The following ANO10 variants were observed in gnomAD, a reference collection of about 807,000 sequenced individuals.
ANO10 encodes the protein anoctamin 10.
A neutral mutation model predicts 74.7 loss-of-function variants in ANO10; 77 were observed. That is an observed-to-expected ratio of 1.03 (90% confidence interval 0.86 to 1.25). The LOEUF (loss-of-function observed/expected upper bound fraction) is 1.25. Among genes scored for constraint, ANO10 ranks in the 50% most tolerant of loss-of-function variants. The pLI is 0.00. For synonymous variants in ANO10, 279 were observed against 284.9 expected, an observed-to-expected ratio of 0.98 and a Z score of 0.21; for missense variants, 721 against 778.1, an observed-to-expected ratio of 0.93 and a Z score of 0.87.
intron 11 of ANO10, among the ~76,000 whole-genome samples, chr3:43,457,612 A>G (rs1399144905): frequency 1.3e-5 from 2 of 152,262 alleles, no homozygotes; most frequent in East Asian, 1.9e-4. Flanking sequence ...CCCTCCCTCA[A>G]TATGTGGGAA....
At chr3:43,574,482 G>A (rs1380674042) in intron 7 of ANO10, among the ~76,000 whole-genome samples, 1 of 152,022 alleles carries the variant, frequency 6.6e-6, no homozygotes, top group African/African-American at 2.4e-5. Context: ...TGTTGGCCAG[G>A]CTGGTCTCGA....
chr3:43,445,248 A>T (rs939028474), intron 11 of ANO10, among the ~76,000 whole-genome samples: 2 of 152,106 alleles, frequency 1.3e-5, no homozygotes, highest in Non-Finnish European at 2.9e-5. Context: ...AGCAGGAAAT[A>T]TACAAGATGA....
At chr3:43,688,830 T>G (rs1204505368) in intron 1 of ANO10, among the ~76,000 whole-genome samples, 5 of 142,450 alleles carry the variant, frequency 3.5e-5, no homozygotes, top group African/African-American at 2.6e-5. Flanking sequence ...GGCAACAGAG[T>G]GAAACTCCGT....
rs533635025 is a variant in ANO10, at chr3:43,485,864, G to A, written c.1798-53137C>T. On this transcript the variant is annotated intron_variant, in intron 11 of 12. Transcript: ENST00000292246. ...ACCCACCACCTTGTACTCTCGTAGT[G>A]TGCCCAAGACCTTCATGGCGTCCTC... The A allele has an allele frequency of 1.1e-5, 3 of 278,884 alleles. No homozygotes were observed. In the Admixed American group the frequency reaches 1.4e-4, roughly 13 times the overall value. 17.3% of individuals were successfully genotyped at this position (278,884 alleles called of 1,614,324 possible).
intron 4 of ANO10, among the ~76,000 whole-genome samples, chr3:43,582,191 C>G (rs929312655): frequency 6.6e-6 from 1 of 152,158 alleles, no homozygotes; most frequent in African/African-American, 2.4e-5. Flanking sequence ...GTGGCTCACA[C>G]CTGTAATCCC....
Position 43,651,929 on chromosome 3 carries a change from T to C in ANO10, c.-12+39588A>G, listed in dbSNP as rs568600460. On this transcript the variant is annotated intron_variant, in intron 1 of 3. Coordinates refer to the ANO10 transcript ENST00000413397. Reference sequence around the variant, plus strand: ...CCATCTTCTTCTGGTTCTACTCCTCTAGGGTTGGGGGCCGGGAGTAATAAG... The same window carrying C: ...CCATCTTCTTCTGGTTCTACTCCTCCAGGGTTGGGGGCCGGGAGTAATAAG... Among the ~76,000 whole-genome samples, 193 of 152,284 alleles carry C rather than the reference T, an allele frequency of 1.3e-3. 1 individual carries two copies. The highest frequency in any genetic ancestry group is 2.4e-3 in the Non-Finnish European group (162 of 68,012).
chr3:43,552,732 ATGTATGTATG>A (rs2079542093), intron 10 of ANO10, among the ~76,000 whole-genome samples: 2 of 134,666 alleles, frequency 1.5e-5, no homozygotes, highest in Non-Finnish European at 3.1e-5. Context: ...ATATATATGT[ATGTATGTATG>A]TATGTATGTA....
chr3:43,570,489 T>C (rs1386226482), intron 7 of ANO10, among the ~76,000 whole-genome samples: 1 of 152,070 alleles, frequency 6.6e-6, no homozygotes, highest in African/African-American at 2.4e-5. Flanking sequence ...AACAGAGATA[T>C]AGATCAATGG....
Position 43,656,320 on chromosome 3 carries a change from G to A in ANO10, c.-12+35197C>T, listed in dbSNP as rs377093518. Among the ~76,000 whole-genome samples, 5 of 152,344 alleles carry A rather than the reference G, an allele frequency of 3.3e-5. No homozygotes were observed. In the South Asian group the frequency reaches 1.0e-3, roughly 32 times the overall value. On this transcript the variant is annotated intron_variant, in intron 1 of 3. Coordinates refer to the ANO10 transcript ENST00000413397. ...TTACAATCCCTGAGCTAGACATAAA[G>A]GTTCTCCACGTCCCCACCAGACTCA...
At chr3:43,386,975 T>C (rs1041672504) in intron 12 of ANO10, among the ~76,000 whole-genome samples, 1 of 152,162 alleles carries the variant, frequency 6.6e-6, no homozygotes, top group African/African-American at 2.4e-5. Context: ...GTGGTTGTTT[T>C]CTTCACTGGA....
chr3:43,670,323 C>T (rs1042401357), intron 1 of ANO10, among the ~76,000 whole-genome samples: 26 of 70,650 alleles, frequency 3.7e-4, no homozygotes, highest in Non-Finnish European at 6.5e-4. Flanking sequence ...AAGACCCTTT[C>T]TTAAATAAAT....
At chr3:43,576,611 G>A (rs1173891971) in intron 6 of ANO10, 81 bp downstream of exon 6, 3 of 1,433,348 alleles carry the variant, frequency 2.1e-6, no homozygotes, top group East Asian at 2.3e-5. Context: ...TCTCTGCAAG[G>A]TAGCAGCTAT....
intron 1 of ANO10, among the ~76,000 whole-genome samples, chr3:43,649,731 G>T (rs749713301): frequency 6.6e-6 from 1 of 152,166 alleles, no homozygotes; most frequent in Non-Finnish European, 1.5e-5. Context: ...AGGCTAAGCC[G>T]AGGTCCCGTG....
At chr3:43,596,252 GA>G (rs1302973409) in intron 4 of ANO10, among the ~76,000 whole-genome samples, 1 of 152,034 alleles carries the variant, frequency 6.6e-6, no homozygotes, top group Non-Finnish European at 1.5e-5. Context: ...CACAGAATTG[GA>G]AAAAACTACT....
intron 11 of ANO10, among the ~76,000 whole-genome samples, chr3:43,457,965 A>G (rs1375556698): frequency 6.6e-6 from 1 of 151,946 alleles, no homozygotes; most frequent in East Asian, 1.9e-4. Context: ...TCCTATTCCT[A>G]TAGGAGTTTG....
At chr3:43,603,945 A>G (rs1417901985) in intron 2 of ANO10, among the ~76,000 whole-genome samples, 1 of 152,120 alleles carries the variant, frequency 6.6e-6, no homozygotes, top group Non-Finnish European at 1.5e-5. Flanking sequence ...TCAGTATCTT[A>G]TTTTCAGTAC....
At chr3:43,573,396 C>G (rs1226795117) in intron 7 of ANO10, among the ~76,000 whole-genome samples, 2 of 152,154 alleles carry the variant, frequency 1.3e-5, no homozygotes, top group African/African-American at 4.8e-5. Context: ...TTCCAGAAAT[C>G]TAAACACCCT....
chr3:43,433,907 A>T (rs1293932477), intron 11 of ANO10, among the ~76,000 whole-genome samples: 1 of 152,262 alleles, frequency 6.6e-6, no homozygotes, highest in African/African-American at 2.4e-5. Flanking sequence ...AAAGGCATTA[A>T]GAAAATCAAT....
At chr3:43,652,236 T>C (rs2083796022) in intron 1 of ANO10, among the ~76,000 whole-genome samples, 1 of 152,102 alleles carries the variant, frequency 6.6e-6, no homozygotes, top group Non-Finnish European at 1.5e-5. Context: ...CATACCCTGA[T>C]TTCCAAACTT....
Sources: allele counts gnomAD v4.1 joint callset (sites outside exome capture counted in the v4.1 genomes callset), GRCh38; gene constraint gnomAD v4.1.1; transcripts MANE v1.5; gene names NCBI Gene and HGNC (gene_info 2026-07-23, HGNC 2026-07-21).